Variants in SEMA5A observed in about 807,000 individuals in gnomAD.
The protein encoded by SEMA5A is semaphorin-5A.
A neutral mutation model predicts 135.5 loss-of-function variants in SEMA5A; 55 were observed. The observed-to-expected ratio is 0.41, with a 90% CI of 0.33 to 0.51. SEMA5A has a LOEUF of 0.51. Ranked by LOEUF, SEMA5A falls within the 20% of genes least tolerant of loss-of-function variation. SEMA5A has a pLI of 0.37. For missense variants in SEMA5A, 1,290 were observed against 1,419.9 expected, an observed-to-expected ratio of 0.91 and a Z score of 1.47; for synonymous variants, 580 against 546.5, an observed-to-expected ratio of 1.06 and a Z score of -0.85.
At chr5:9,475,860 C>A (rs1177505513) in intron 1 of SEMA5A, among the ~76,000 whole-genome samples, 1 of 152,192 alleles carries the variant, frequency 6.6e-6, no homozygotes, top group Non-Finnish European at 1.5e-5. Flanking sequence ...TGGCAGTTAT[C>A]TTTAAAACTA....
intron 4 of SEMA5A, among the ~76,000 whole-genome samples, chr5:9,328,304 C>A (rs7733085): frequency 6.6e-6 from 1 of 152,208 alleles, no homozygotes; most frequent in South Asian, 2.1e-4. Flanking sequence ...TGCCATGCCT[C>A]GCTCCAAATT....
At chr5:9,181,790 T>C (rs1051505180) in intron 11 of SEMA5A, among the ~76,000 whole-genome samples, 4 of 152,090 alleles carry the variant, frequency 2.6e-5, no homozygotes, top group Non-Finnish European at 4.4e-5. Flanking sequence ...TGCAAAACTG[T>C]CTGCTGACAC....
At chr5:9,543,903 G>T (rs1423731473) in intron 1 of SEMA5A, among the ~76,000 whole-genome samples, 1 of 151,582 alleles carries the variant, frequency 6.6e-6, no homozygotes, top group Non-Finnish European at 1.5e-5. Flanking sequence ...GTTTCTTTTG[G>T]TGTAAATACA....
At chr5:9,105,325 C>T (rs1739854309) in intron 16 of SEMA5A, among the ~76,000 whole-genome samples, 1 of 152,130 alleles carries the variant, frequency 6.6e-6, no homozygotes, top group African/African-American at 2.4e-5. Flanking sequence ...CTGGGAAAAT[C>T]CTTTCATGAA....
At chr5:9,459,701 TAA>T (rs1197571798) in intron 1 of SEMA5A, among the ~76,000 whole-genome samples, 1 of 152,230 alleles carries the variant, frequency 6.6e-6, no homozygotes, top group African/African-American at 2.4e-5. Context: ...TTTAAGTCAC[TAA>T]GTTTGTTGTA....
chr5:9,272,914 C>G lies in SEMA5A; in HGVS notation c.271-35024G>C, dbSNP rs140439944. ...TCCACGAAGATGGGGGAAACCAGTG[C>G]AAAAATACTAAAAATTCCAAAAACC... On this transcript the variant is annotated intron_variant, in intron 5 of 22. Transcript: ENST00000382496. Among the ~76,000 whole-genome samples the G allele has an allele frequency of 2.5e-3, 379 of 152,196 alleles. 1 individual carries two copies. The highest frequency in any genetic ancestry group is 8.7e-3 in the African/African-American group (361 of 41,560).
At chr5:9,301,524 C>T (rs1190761053) in intron 5 of SEMA5A, among the ~76,000 whole-genome samples, 1 of 152,138 alleles carries the variant, frequency 6.6e-6, no homozygotes, top group East Asian at 1.9e-4. Flanking sequence ...GTTCTTACTC[C>T]TAGTTACAAT....
chr5:9,449,050 A>G (rs1334096727), intron 1 of SEMA5A, among the ~76,000 whole-genome samples: 1 of 152,256 alleles, frequency 6.6e-6, no homozygotes, highest in Non-Finnish European at 1.5e-5. Context: ...CATTTGACCC[A>G]GAAATTTCAT....
chr5:9,359,274 T>C (rs1237412592), intron 3 of SEMA5A, among the ~76,000 whole-genome samples: 1 of 152,214 alleles, frequency 6.6e-6, no homozygotes, highest in Non-Finnish European at 1.5e-5. Context: ...TTAAATTCCT[T>C]AGTTTTTTTC....
rs369462389 is a variant in SEMA5A, at chr5:9,051,968, G to A, written c.2750C>T (p.Ala917Val). 1 of 1,613,934 alleles carries A rather than the reference G, an allele frequency of 6.2e-7. No homozygotes were observed. The highest frequency in any genetic ancestry group is 1.7e-5 in the Admixed American group (1 of 60,008). Residue 917 changes from alanine to valine, a missense_variant, in exon 20 of 23, where the codon GCC becomes GTC. Transcript: ENST00000382496. ...ECEASGVQVRARQCILLFPMG... is the reference protein window; with the variant it reads ...ECEASGVQVRVRQCILLFPMG... ...GGGGAACAGGAGGATGCACTGGCGG[G>A]CGCGGACTTGGACGCCAGAGGCTTC...
intron 11 of SEMA5A, among the ~76,000 whole-genome samples, chr5:9,177,540 G>A (rs150068990): frequency 5.6e-4 from 86 of 152,346 alleles, no homozygotes; most frequent in African/African-American, 1.9e-3. Flanking sequence ...TCTGAAGTCA[G>A]TGCCTTGACT....
In SEMA5A at chr5:9,346,273, T is replaced by C. The variant is rs549942540; in HGVS notation, c.125-8461A>G. The stretch of plus-strand genomic sequence containing the variant: ...GTCCGGACTCCAGGGGAAGATAACC[T>C]TCCTGCCCCATCCCCTTTCCAGCTC... On this transcript the variant is annotated intron_variant, in intron 3 of 22. Coordinates refer to ENST00000382496, the MANE Select transcript of SEMA5A (RefSeq NM_003966.3). Among the ~76,000 whole-genome samples, 3 of 152,226 alleles carry C rather than the reference T, an allele frequency of 2.0e-5. No individual in the cohort carries two copies. In the East Asian group the frequency reaches 5.8e-4, roughly 29 times the overall value.
intron 1 of SEMA5A, chr5:9,523,258 G>A (rs947898497): frequency 1.3e-5 from 2 of 152,072 alleles, no homozygotes; most frequent in African/African-American, 2.4e-5. Context: ...GTGCATCGTT[G>A]CCTCCTTTTC....
intron 3 of SEMA5A, among the ~76,000 whole-genome samples, chr5:9,378,329 T>C (rs1007150688): frequency 6.6e-6 from 1 of 152,200 alleles, no homozygotes; most frequent in Non-Finnish European, 1.5e-5. Flanking sequence ...AGAAGTATTC[T>C]AACCATTAAA....
At chr5:9,049,225 G>A (rs1322192605) in intron 21 of SEMA5A, among the ~76,000 whole-genome samples, 1 of 151,996 alleles carries the variant, frequency 6.6e-6, no homozygotes, top group African/African-American at 2.4e-5. Context: ...GCAGTGGCAC[G>A]ATCTCAGCTC....
chr5:9,049,180 G>T (rs1444876207), intron 21 of SEMA5A, among the ~76,000 whole-genome samples: 1 of 105,196 alleles, frequency 9.5e-6, no homozygotes, highest in African/African-American at 3.2e-5. Flanking sequence ...ATTTATTTTT[G>T]ATGCAGAGTC....
chr5:9,323,016 T>C (rs1380941776), intron 4 of SEMA5A, among the ~76,000 whole-genome samples: 2 of 152,234 alleles, frequency 1.3e-5, no homozygotes, highest in Admixed American at 6.5e-5. Context: ...CTGGCTGTGA[T>C]GTATGTCTCC....
At chr5:9,047,568 A>G (rs1037619986) in intron 21 of SEMA5A, among the ~76,000 whole-genome samples, 9 of 152,038 alleles carry the variant, frequency 5.9e-5, no homozygotes, top group Non-Finnish European at 4.4e-5. Flanking sequence ...TTTGATCAGT[A>G]AAGATGGAAT....
At chr5:9,304,746 A>G (rs1751778741) in intron 5 of SEMA5A, among the ~76,000 whole-genome samples, 1 of 152,080 alleles carries the variant, frequency 6.6e-6, no homozygotes, top group African/African-American at 2.4e-5. Flanking sequence ...CCACTTTCTC[A>G]GTATTGATTT....
Sources: allele counts gnomAD v4.1 joint callset (sites outside exome capture counted in the v4.1 genomes callset), GRCh38; gene constraint gnomAD v4.1.1; transcripts MANE v1.5; gene names NCBI Gene and HGNC (gene_info 2026-07-23, HGNC 2026-07-21).